Variants in SOX5 observed in about 807,000 individuals in gnomAD.
SOX5 encodes transcription factor SOX-5.
Under a neutral mutation model 92.0 loss-of-function variants are expected in SOX5, and 9 were observed. The observed-to-expected ratio is 0.10, with a 90% CI of 0.06 to 0.17. The LOEUF (loss-of-function observed/expected upper bound fraction) is 0.17. SOX5 is among the 10% of genes least tolerant of loss of function. The probability of loss-of-function intolerance (pLI) is 1.00; values close to 1 mark genes in which losing one functional copy is unlikely to be tolerated. For synonymous variants in SOX5, 344 were observed against 336.3 expected, an observed-to-expected ratio of 1.02 and a Z score of -0.25; for missense variants, 642 against 944.5, an observed-to-expected ratio of 0.68 and a Z score of 4.20.
intron 1 of SOX5, among the ~76,000 whole-genome samples, chr12:24,456,727 C>T (rs767300427): frequency 6.6e-5 from 10 of 152,144 alleles, no homozygotes; most frequent in Non-Finnish European, 1.0e-4. Flanking sequence ...CTTGGCTCAC[C>T]AAGTTTGCAA....
At chr12:24,466,919 G>C (rs1203161765) in intron 1 of SOX5, among the ~76,000 whole-genome samples, 1 of 152,146 alleles carries the variant, frequency 6.6e-6, no homozygotes. Flanking sequence ...AAAAGAAAAT[G>C]CATCTCATCT....
intron 1 of SOX5, among the ~76,000 whole-genome samples, chr12:24,493,643 T>C (rs1228597042): frequency 6.6e-6 from 1 of 152,052 alleles, no homozygotes; most frequent in African/African-American, 2.4e-5. Context: ...GGCAGGAGGA[T>C]CACAAGGTCA....
chr12:23,995,682 A>G (rs1950966307), intron 4 of SOX5, among the ~76,000 whole-genome samples: 1 of 152,212 alleles, frequency 6.6e-6, no homozygotes, highest in Non-Finnish European at 1.5e-5. Context: ...TGGGCAACAG[A>G]GCAAGACTCT....
At chr12:23,566,661 T>A (rs1226570803) in intron 10 of SOX5, among the ~76,000 whole-genome samples, 1 of 152,232 alleles carries the variant, frequency 6.6e-6, no homozygotes, top group Non-Finnish European at 1.5e-5. Flanking sequence ...CAAGTTGTTT[T>A]ACTGTTCTAA....
At chr12:24,169,786 C>T (rs1953861566) in intron 4 of SOX5, among the ~76,000 whole-genome samples, 3 of 152,300 alleles carry the variant, frequency 2.0e-5, no homozygotes, top group Middle Eastern at 3.4e-3. Flanking sequence ...GGTCTTCTAG[C>T]CGTTTGTTTA....
At chr12:24,121,617 G>A (rs1242914236) in intron 4 of SOX5, among the ~76,000 whole-genome samples, 13 of 147,698 alleles carry the variant, frequency 8.8e-5, no homozygotes, top group African/African-American at 2.0e-4. Context: ...GGCCGGGCGC[G>A]GTGGCTCACG....
At chr12:23,659,845 T>C (rs892349490) in intron 7 of SOX5, among the ~76,000 whole-genome samples, 5 of 152,118 alleles carry the variant, frequency 3.3e-5, no homozygotes. Context: ...TGCATGCCTG[T>C]AGTCCCAGCT....
chr12:24,436,212 G>A (rs777152772), intron 1 of SOX5, among the ~76,000 whole-genome samples: 1 of 152,158 alleles, frequency 6.6e-6, no homozygotes, highest in Non-Finnish European at 1.5e-5. Flanking sequence ...ACCTAGCAAC[G>A]ATTCCGGATA....
chr12:24,267,916 A>G (rs1389454613), intron 3 of SOX5, among the ~76,000 whole-genome samples: 5 of 152,186 alleles, frequency 3.3e-5, no homozygotes, highest in Non-Finnish European at 5.9e-5. Context: ...AGATTCTCAC[A>G]TATTTTTAAT....
At chr12:23,546,548 T>A in intron 11 of SOX5, 124 bp from the exon 12 acceptor site, 1 of 617,072 alleles carries the variant, frequency 1.6e-6, no homozygotes, top group Non-Finnish European at 2.8e-6. Flanking sequence ...ATATTCACCT[T>A]TTTACGTTCA....
rs536859421 is a variant in SOX5, at chr12:23,843,335, A to C, written c.481+2648T>G. ...TCAACTCTGGACTTTAGTTAATAATAATGTATCAATGTTGGTTCATTATTT... is the reference window on the plus strand; with the variant it reads ...TCAACTCTGGACTTTAGTTAATAATCATGTATCAATGTTGGTTCATTATTT... On this transcript the variant is annotated intron_variant, in intron 3 of 14. Transcript: ENST00000451604. Among the ~76,000 whole-genome samples, 290 of 152,240 alleles carry C rather than the reference A, an allele frequency of 1.9e-3. 1 individual carries two copies. Among genetic ancestry groups the C allele is most frequent in the African/African-American group, 6.6e-3 (274 of 41,556 alleles).
At chr12:23,675,144 TC>T (rs1191366226) in intron 6 of SOX5, among the ~76,000 whole-genome samples, 3 of 152,188 alleles carry the variant, frequency 2.0e-5, no homozygotes, top group African/African-American at 7.2e-5. Flanking sequence ...TTGAAATCAT[TC>T]CCAAATATCT....
chr12:23,928,624 A>C (rs1940638365), intron 1 of SOX5, among the ~76,000 whole-genome samples: 1 of 152,006 alleles, frequency 6.6e-6, no homozygotes, highest in East Asian at 1.9e-4. Flanking sequence ...CTTTTCCTTA[A>C]TTTTTCATTA....
intron 4 of SOX5, among the ~76,000 whole-genome samples, chr12:24,131,804 C>A (rs139129268): frequency 1.3e-3 from 204 of 152,260 alleles, no homozygotes; most frequent in Middle Eastern, 3.4e-3. Context: ...GGGTACACAT[C>A]TGTTTTATTA....
intron 1 of SOX5, among the ~76,000 whole-genome samples, chr12:24,431,281 A>T (rs1440354314): frequency 6.6e-6 from 1 of 152,186 alleles, no homozygotes; most frequent in East Asian, 1.9e-4. Flanking sequence ...TCCTAGCAAC[A>T]AGTGTATTGA....
At chr12:23,999,488 T>A (rs980554791) in intron 4 of SOX5, among the ~76,000 whole-genome samples, 3 of 152,048 alleles carry the variant, frequency 2.0e-5, no homozygotes, top group African/African-American at 7.2e-5. Context: ...TAATCTGAGG[T>A]GATAGATATG....
chr12:23,979,113 A>AT (rs527966486), intron 4 of SOX5, among the ~76,000 whole-genome samples: 3,460 of 151,680 alleles, frequency 0.023, 41 homozygotes, highest in East Asian at 0.039. Flanking sequence ...ATTAGGTATA[A>AT]TTTTTTTTTA....
intron 2 of SOX5, among the ~76,000 whole-genome samples, chr12:24,303,332 G>C (rs1215248367): frequency 1.3e-5 from 2 of 152,104 alleles, no homozygotes; most frequent in East Asian, 3.9e-4. Context: ...ACAGAGTATA[G>C]GGGACAAAAC....
intron 2 of SOX5, among the ~76,000 whole-genome samples, chr12:24,353,871 C>G (rs1317838657): frequency 6.6e-6 from 1 of 151,978 alleles, no homozygotes; most frequent in Non-Finnish European, 1.5e-5. Context: ...GAACTCCTGA[C>G]CTCGTGATCC....
Sources: allele counts gnomAD v4.1 joint callset (sites outside exome capture counted in the v4.1 genomes callset), GRCh38; gene constraint gnomAD v4.1.1; transcripts MANE v1.5; gene names NCBI Gene and HGNC (gene_info 2026-07-23, HGNC 2026-07-21).